The following SHTN1 variants were observed in gnomAD, a reference collection of about 807,000 sequenced individuals.
SHTN1 encodes shootin-1.
A neutral mutation model predicts 83.1 loss-of-function variants in SHTN1; 42 were observed. The observed-to-expected ratio is 0.51, with a 90% CI of 0.39 to 0.65. The LOEUF (loss-of-function observed/expected upper bound fraction) is 0.65, where lower values mean the gene tolerates loss of function less well. Among genes scored for constraint, SHTN1 ranks in the 30% least tolerant of loss-of-function variants. SHTN1 has a pLI of 0.00. For synonymous variants in SHTN1, 224 were observed against 247.7 expected, an observed-to-expected ratio of 0.90 and a Z score of 0.90; for missense variants, 622 against 737.8, an observed-to-expected ratio of 0.84 and a Z score of 1.82.
intron 9 of SHTN1, among the ~76,000 whole-genome samples, chr10:116,938,741 T>A (rs926666041): frequency 1.3e-5 from 2 of 152,180 alleles, no homozygotes; most frequent in Non-Finnish European, 2.9e-5. Context: ...GCAGGAACGT[T>A]TAAGCCGCTG....
intron 12 of SHTN1, among the ~76,000 whole-genome samples, 174 bp from the exon 13 acceptor site, chr10:116,915,658 A>G (rs887933323): frequency 6.6e-6 from 1 of 152,200 alleles, no homozygotes; most frequent in Admixed American, 6.5e-5. Context: ...ACACTTAAAG[A>G]AAAAACTTTT....
At chr10:116,981,857 G>A (rs1320398677) in intron 1 of SHTN1, among the ~76,000 whole-genome samples, 1 of 152,120 alleles carries the variant, frequency 6.6e-6, no homozygotes, top group Non-Finnish European at 1.5e-5. Flanking sequence ...AGGAGTTTGA[G>A]ACCAGCCTGA....
chr10:116,915,929 T>A (rs1848367206), intron 12 of SHTN1, among the ~76,000 whole-genome samples: 4 of 152,302 alleles, frequency 2.6e-5, no homozygotes, highest in Admixed American at 2.6e-4. Flanking sequence ...GAAGAAAAGA[T>A]GAAACAGATG....
At position 117,005,127 on chromosome 10, in the gene SHTN1, G is replaced by T. The variant is rs1366619128; in HGVS notation, c.-48C>A. On this transcript the variant is annotated 5_prime_UTR_variant, in exon 1 of 17. Transcript: ENST00000355371. ...AAAAGGGAAAGAGGGAGCGGCGCGGGGCACACAGGAGGAGGGGGAAGAAAA... is the reference window on the plus strand; with the variant it reads ...AAAAGGGAAAGAGGGAGCGGCGCGGTGCACACAGGAGGAGGGGGAAGAAAA... 1 of 1,565,806 alleles carries T rather than the reference G, an allele frequency of 6.4e-7. No homozygotes were observed. The highest frequency in any genetic ancestry group is 8.7e-7 in the Non-Finnish European group (1 of 1,154,472).
intron 1 of SHTN1, among the ~76,000 whole-genome samples, chr10:117,099,043 C>CACACA (rs975155213): frequency 1.5e-4 from 23 of 150,776 alleles, no homozygotes; most frequent in African/African-American, 4.4e-4. Flanking sequence ...CACACACACA[C>CACACA]ACCATAAAAA....
At chr10:117,031,773 GAC>G (rs765278142) in intron 2 of SHTN1, among the ~76,000 whole-genome samples, 1 of 152,058 alleles carries the variant, frequency 6.6e-6, no homozygotes, top group Non-Finnish European at 1.5e-5. Flanking sequence ...TAAGAAGCAA[GAC>G]ACTAAATCAT....
At chr10:116,944,260 A>C (rs1486440034) in intron 8 of SHTN1, among the ~76,000 whole-genome samples, 1 of 152,152 alleles carries the variant, frequency 6.6e-6, no homozygotes. Flanking sequence ...GTTGTCTCCA[A>C]ATGCAATTCC....
rs371546539 is a variant in SHTN1 at position 117,092,227 on chromosome 10, G to A, written c.-189+34080C>T. Among the ~76,000 whole-genome samples, 6 of 152,276 alleles carry A rather than the reference G, an allele frequency of 3.9e-5. No individual in the cohort carries two copies. In the East Asian group the frequency reaches 7.7e-4, roughly 20 times the overall value. On this transcript the variant is annotated intron_variant, in intron 1 of 17. Transcript: ENST00000392901. Reference sequence around the variant, plus strand: ...TTACTGAACTGATTTGAAGCCATGGGCTTAAATGATCCCCAGTAAGGATGT... The same window carrying A: ...TTACTGAACTGATTTGAAGCCATGGACTTAAATGATCCCCAGTAAGGATGT...
At chr10:117,099,009 TAC>T (rs371738555) in intron 1 of SHTN1, among the ~76,000 whole-genome samples, 7,307 of 141,004 alleles carry the variant, frequency 0.052, 419 homozygotes, top group African/African-American at 0.15. Flanking sequence ...GTGGTATGTA[TAC>T]ACACACACAC....
intron 1 of SHTN1, among the ~76,000 whole-genome samples, chr10:117,074,123 A>C (rs1262586711): frequency 6.6e-6 from 1 of 151,990 alleles, no homozygotes; most frequent in Non-Finnish European, 1.5e-5. Flanking sequence ...GCTAATTCTT[A>C]TTTTTCTAAT....
intron 6 of SHTN1, among the ~76,000 whole-genome samples, chr10:116,950,432 T>G (rs1250562741): frequency 3.3e-5 from 5 of 152,204 alleles, no homozygotes; most frequent in Non-Finnish European, 7.3e-5. Flanking sequence ...CCTCCCAAAG[T>G]GCTAGGATTA....
chr10:116,950,544 T>C (rs1849740284), intron 6 of SHTN1, among the ~76,000 whole-genome samples: 1 of 152,176 alleles, frequency 6.6e-6, no homozygotes, highest in Non-Finnish European at 1.5e-5. Context: ...TGTCTTCCAA[T>C]AATACCTCTA....
intron 9 of SHTN1, among the ~76,000 whole-genome samples, chr10:116,933,157 A>G (rs1250686490): frequency 6.6e-6 from 1 of 151,924 alleles, no homozygotes; most frequent in Non-Finnish European, 1.5e-5. Flanking sequence ...TTCCTTTTAA[A>G]ATTATTTTTA....
chr10:116,901,824 A>G lies in SHTN1; in HGVS notation c.1614T>C (p.Pro538=). 1 of 1,601,258 alleles carries G rather than the reference A, an allele frequency of 6.2e-7. No homozygotes were observed. Among genetic ancestry groups the G allele is most frequent in the Non-Finnish European group, 8.5e-7 (1 of 1,176,696 alleles). Residue 538 remains proline (P), a synonymous_variant, in exon 16 of 17, where the codon CCT becomes CCC. Coordinates refer to ENST00000355371, the MANE Select transcript of SHTN1 (RefSeq NM_001127211.3). The part of the protein sequence containing the change: ...AEFNSPSPPT[P]EPGEGPRKLE... ...ATTTACGGGGCCCTTCACCTGGCTCAGGTGTTGGGGGGGACGGGCTGTTGA... is the reference window on the plus strand; with the variant it reads ...ATTTACGGGGCCCTTCACCTGGCTCGGGTGTTGGGGGGGACGGGCTGTTGA...
chr10:116,915,320 T>A, intron 13 of SHTN1, 55 bp downstream of exon 13: 1 of 958,936 alleles, frequency 1.0e-6, no homozygotes, highest in Non-Finnish European at 1.7e-6. Context: ...TTCAAATTTA[T>A]ACATTTAAAA....
chr10:117,077,814 T>G (rs897860625), intron 1 of SHTN1, among the ~76,000 whole-genome samples: 3 of 152,180 alleles, frequency 2.0e-5, no homozygotes, highest in Non-Finnish European at 4.4e-5. Context: ...GAACTCATCA[T>G]TTTTTATGGC....
intron 16 of SHTN1, among the ~76,000 whole-genome samples, chr10:116,889,729 A>G (rs1847276553): frequency 6.6e-6 from 1 of 152,196 alleles, no homozygotes; most frequent in South Asian, 2.1e-4. Flanking sequence ...TAGAAACAGG[A>G]GGCTACAGGC....
At chr10:117,013,934 T>G (rs1163230316) in intron 2 of SHTN1, among the ~76,000 whole-genome samples, 1 of 152,142 alleles carries the variant, frequency 6.6e-6, no homozygotes, top group Non-Finnish European at 1.5e-5. Context: ...ATATATATTT[T>G]TTTTCCATAA....
chr10:116,924,744 CTATTT>C (rs1848680818), intron 11 of SHTN1, among the ~76,000 whole-genome samples: 2 of 133,668 alleles, frequency 1.5e-5, no homozygotes, highest in Admixed American at 8.2e-5. Context: ...GAATTTTCAC[CTATTT>C]TTTTTTTTTT....
Sources: allele counts gnomAD v4.1 joint callset (sites outside exome capture counted in the v4.1 genomes callset), GRCh38; gene constraint gnomAD v4.1.1; transcripts MANE v1.5; gene names NCBI Gene and HGNC (gene_info 2026-07-23, HGNC 2026-07-21).